Variants in ERC1 observed in about 807,000 individuals in gnomAD.
ERC1 encodes ELKS/RAB6-interacting/CAST family member 1, also known as RAB6 interacting protein 2.
Under a neutral mutation model 132.0 loss-of-function variants are expected in ERC1, and 56 were observed. That is an observed-to-expected ratio of 0.42 (90% CI 0.34 to 0.53). The LOEUF is 0.53. ERC1 is among the 20% of genes least tolerant of loss of function. The pLI is 0.03. For synonymous variants in ERC1, 478 were observed against 476.1 expected (o/e 1.00, Z -0.05); for missense variants, 1,202 against 1,349.9 (o/e 0.89, Z 1.72).
intron 18 of ERC1, among the ~76,000 whole-genome samples, chr12:1,466,829 G>A (rs1457096740): frequency 6.6e-6 from 1 of 152,168 alleles, no homozygotes; most frequent in Non-Finnish European, 1.5e-5. Flanking sequence ...GCGACTGAAT[G>A]AAATCAGGAA....
chr12:1,109,168 C>T (rs1945577018), intron 4 of ERC1, among the ~76,000 whole-genome samples: 1 of 152,038 alleles, frequency 6.6e-6, no homozygotes, highest in African/African-American at 2.4e-5. Flanking sequence ...GTAAAGTAGC[C>T]TGGGGAGAAA....
At chr12:1,025,101 C>G (rs1324275351) in intron 1 of ERC1, among the ~76,000 whole-genome samples, 1 of 152,124 alleles carries the variant, frequency 6.6e-6, no homozygotes, top group Non-Finnish European at 1.5e-5. Context: ...TGGATACGTT[C>G]TACTGGAGCC....
At chr12:1,213,900 C>T (rs1202122420) in intron 12 of ERC1, among the ~76,000 whole-genome samples, 1 of 150,722 alleles carries the variant, frequency 6.6e-6, no homozygotes, top group African/African-American at 2.4e-5. Flanking sequence ...GAGACTCTGT[C>T]TCCAAAAAAA....
At chr12:1,431,096 A>C (rs1416120224) in intron 17 of ERC1, among the ~76,000 whole-genome samples, 1 of 152,142 alleles carries the variant, frequency 6.6e-6, no homozygotes, top group African/African-American at 2.4e-5. Context: ...CAATGAAATA[A>C]AGCCTGAAAG....
intron 8 of ERC1, among the ~76,000 whole-genome samples, chr12:1,179,253 A>G (rs1954088158): frequency 6.6e-6 from 1 of 152,114 alleles, no homozygotes; most frequent in African/African-American, 2.4e-5. Context: ...AGTCCTCTTA[A>G]GTTTTCATTG....
At chr12:1,101,121 T>C (rs1448299426) in intron 3 of ERC1, among the ~76,000 whole-genome samples, 1 of 152,188 alleles carries the variant, frequency 6.6e-6, no homozygotes, top group East Asian at 1.9e-4. Flanking sequence ...ATGAATTGCA[T>C]AGATGATTAT....
At chr12:1,040,963 A>T (rs1258508953) in intron 2 of ERC1, among the ~76,000 whole-genome samples, 1 of 152,176 alleles carries the variant, frequency 6.6e-6, no homozygotes, top group African/African-American at 2.4e-5. Flanking sequence ...TGATCCTCAG[A>T]TACTTGAAGA....
chr12:1,079,073 C>T (rs1001268034), intron 2 of ERC1, among the ~76,000 whole-genome samples: 1 of 149,946 alleles, frequency 6.7e-6, no homozygotes, highest in African/African-American at 2.5e-5. Flanking sequence ...TACAGAGATA[C>T]ATATAGAAAT....
intron 18 of ERC1, among the ~76,000 whole-genome samples, chr12:1,446,356 G>A (rs996849422): frequency 3.3e-5 from 5 of 152,078 alleles, no homozygotes; most frequent in African/African-American, 7.2e-5. Flanking sequence ...AGAAAAATAG[G>A]TCAGTTTTTG....
chr12:1,495,324 A>C lies in ERC1; in HGVS notation c.*5094A>C, dbSNP rs1046473. 0.61 allele frequency: 138,224 copies of C among 228,220 alleles called. 44,175 individuals carry two copies. Among genetic ancestry groups the C allele is most frequent in the Middle Eastern group, 0.68 (513 of 754 alleles). The allele number at this position is 228,220 out of a possible 1,614,324, so 14.1% of individuals were successfully genotyped here. A position where few individuals can be genotyped will look rare whatever the true frequency, so the allele number is the denominator to read the frequency against. On this transcript the variant is annotated 3_prime_UTR_variant, in exon 19 of 19. Transcript: ENST00000360905. ...TCCTTCTGGCTTCAGGCCCTCAATT[A>C]TTTCCCTTTGAGCTTTTTTAGACCC...
At chr12:1,117,617 T>C (rs895142104) in intron 7 of ERC1, among the ~76,000 whole-genome samples, 1 of 152,224 alleles carries the variant, frequency 6.6e-6, no homozygotes, top group African/African-American at 2.4e-5. Flanking sequence ...ACTTCACTTT[T>C]CACGTCTGTA....
intron 15 of ERC1, among the ~76,000 whole-genome samples, chr12:1,291,441 A>G (rs1460519667): frequency 6.6e-6 from 1 of 152,222 alleles, no homozygotes; most frequent in Non-Finnish European, 1.5e-5. Context: ...AGGACCCACC[A>G]TATTTTAAAG....
At chr12:1,076,520 G>T (rs1161761226) in intron 2 of ERC1, among the ~76,000 whole-genome samples, 1 of 151,406 alleles carries the variant, frequency 6.6e-6, no homozygotes, top group Non-Finnish European at 1.5e-5. Flanking sequence ...TCAGCCCCCT[G>T]AGTAGCTGGG....
intron 15 of ERC1, among the ~76,000 whole-genome samples, chr12:1,323,216 A>G (rs1284572901): frequency 1.3e-5 from 2 of 152,132 alleles, no homozygotes; most frequent in African/African-American, 2.4e-5. Context: ...TTTAATGTCA[A>G]CGCACTTGAT....
rs574426729 is a variant in ERC1 at position 1,001,502 on chromosome 12, A to T, written c.-157+10180A>T. Among the ~76,000 whole-genome samples the T allele has an allele frequency of 4.6e-5, 7 of 152,366 alleles. No homozygotes were observed. In the South Asian group the frequency reaches 1.4e-3, roughly 32 times the overall value. On this transcript the variant is annotated intron_variant, in intron 1 of 18. Transcript: ENST00000360905. ...ACTGACATTCCACAAGCTTTCCTTG[A>T]AGCTTCCCAATCACAACCCAGTCCT...
In ERC1 at chr12:1,200,645, G is replaced by C. The variant is rs184732801; in HGVS notation, c.2351+10593G>C. ...ACGATCTCGGCTCACTGCAAGCTCC[G>C]CCTCCCGGGTTCACACCATTCTCCT... On this transcript the variant is annotated intron_variant, in intron 12 of 18. Coordinates refer to ENST00000360905, the MANE Select transcript of ERC1 (RefSeq NM_178040.4). 6.9e-3 allele frequency among the ~76,000 whole-genome samples: 1,044 copies of C among 151,296 alleles called. 6 individuals carry two copies. Among genetic ancestry groups the C allele is most frequent in the Non-Finnish European group, 9.4e-3 (639 of 67,886 alleles).
intron 15 of ERC1, among the ~76,000 whole-genome samples, chr12:1,321,304 C>T (rs1342560213): frequency 6.6e-6 from 1 of 151,960 alleles, no homozygotes; most frequent in Non-Finnish European, 1.5e-5. Context: ...AATTATGTGA[C>T]ACTGTGGCCA....
chr12:1,303,955 G>GAAAAAAA (rs59587052), intron 15 of ERC1, among the ~76,000 whole-genome samples: 55 of 86,464 alleles, frequency 6.4e-4, no homozygotes, highest in African/African-American at 1.2e-3. Flanking sequence ...CTCCATCTCA[G>GAAAAAAA]AAAAAAAAAA....
At chr12:1,090,902 A>G (rs192749375) in intron 3 of ERC1, among the ~76,000 whole-genome samples, 350 of 13,732 alleles carry the variant, frequency 0.025, 5 homozygotes, top group African/African-American at 0.055. Flanking sequence ...TATTATTATT[A>G]TTATTATTAT....
Sources: allele counts gnomAD v4.1 joint callset (sites outside exome capture counted in the v4.1 genomes callset), GRCh38; gene constraint gnomAD v4.1.1; transcripts MANE v1.5; gene names NCBI Gene and HGNC (gene_info 2026-07-23, HGNC 2026-07-21).